The following KHDRBS3 variants were observed in gnomAD, a reference collection of about 807,000 sequenced individuals.
KHDRBS3 encodes KH domain-containing, RNA-binding, signal transduction-associated protein 3.
In KHDRBS3, 23 loss-of-function variants were observed where a neutral mutation model predicts 45.6. The observed-to-expected ratio is 0.50, with a 90% CI of 0.36 to 0.72. The LOEUF (loss-of-function observed/expected upper bound fraction) is 0.72. KHDRBS3 is among the 30% of genes least tolerant of loss of function. The pLI, the probability that KHDRBS3 is intolerant of heterozygous loss-of-function variation, is 0.00. For synonymous variants in KHDRBS3, 162 were observed against 156.5 expected, an observed-to-expected ratio of 1.04 and a Z score of -0.26; for missense variants, 352 against 424.8, an observed-to-expected ratio of 0.83 and a Z score of 1.51.
At chr8:135,562,595 T>C (rs1827221307) in intron 5 of KHDRBS3, among the ~76,000 whole-genome samples, 1 of 152,194 alleles carries the variant, frequency 6.6e-6, no homozygotes, top group Admixed American at 6.5e-5. Context: ...GCCCAACTAA[T>C]ATAGTCCACA....
chr8:135,551,648 G>T (rs1306468997), intron 4 of KHDRBS3, among the ~76,000 whole-genome samples: 1 of 152,064 alleles, frequency 6.6e-6, no homozygotes, highest in Admixed American at 6.6e-5. Context: ...GCTAGATATG[G>T]TTTACTAATA....
intron 2 of KHDRBS3, among the ~76,000 whole-genome samples, chr8:135,535,289 CTAT>C (rs1298817567): frequency 8.4e-6 from 1 of 119,138 alleles, no homozygotes; most frequent in Non-Finnish European, 1.7e-5. Flanking sequence ...TATATATAAA[CTAT>C]TATATATAGT....
At chr8:135,490,836 T>C (rs990467485) in intron 1 of KHDRBS3, among the ~76,000 whole-genome samples, 1 of 152,196 alleles carries the variant, frequency 6.6e-6, no homozygotes, top group African/African-American at 2.4e-5. Flanking sequence ...GCTGATAAAG[T>C]GTTCCTGGCC....
chr8:135,616,400 G>C (rs1370560495), intron 7 of KHDRBS3, among the ~76,000 whole-genome samples: 1 of 152,162 alleles, frequency 6.6e-6, no homozygotes, highest in African/African-American at 2.4e-5. Flanking sequence ...CTCCACAAGT[G>C]TATGACAACA....
At chr8:135,476,206 C>A (rs918656969) in intron 1 of KHDRBS3, among the ~76,000 whole-genome samples, 1 of 151,984 alleles carries the variant, frequency 6.6e-6, no homozygotes, top group Non-Finnish European at 1.5e-5. Context: ...TGCAGTGGTG[C>A]AATCTTGGCT....
chr8:135,499,966 A>G (rs1823649818), intron 1 of KHDRBS3, among the ~76,000 whole-genome samples: 1 of 152,198 alleles, frequency 6.6e-6, no homozygotes, highest in African/African-American at 2.4e-5. Context: ...TTAGCCTATA[A>G]CAGTTACAGT....
intron 1 of KHDRBS3, among the ~76,000 whole-genome samples, chr8:135,487,536 A>T (rs576923986): frequency 2.0e-5 from 3 of 152,338 alleles, no homozygotes; most frequent in Admixed American, 6.5e-5. Flanking sequence ...TACCATGGTG[A>T]TCCTATCATG....
chr8:135,591,830 C>A (rs757988064), intron 6 of KHDRBS3, among the ~76,000 whole-genome samples: 1 of 152,112 alleles, frequency 6.6e-6, no homozygotes, highest in Non-Finnish European at 1.5e-5. Context: ...TTTATAGAGA[C>A]GGGAGTTGTA....
intron 7 of KHDRBS3, among the ~76,000 whole-genome samples, chr8:135,634,465 G>A (rs979955109): frequency 9.2e-5 from 14 of 152,076 alleles, no homozygotes; most frequent in Non-Finnish European, 1.6e-4. Context: ...TTGGTTTGGC[G>A]TTTTCAATGG....
At position 135,511,790 on chromosome 8, in the gene KHDRBS3, C is replaced by A. The variant is rs141717876; in HGVS notation, c.89-9447C>A. 7.9e-3 allele frequency among the ~76,000 whole-genome samples: 1,209 copies of A among 152,256 alleles called. 9 individuals carry two copies. Among genetic ancestry groups the A allele is most frequent in the African/African-American group, 0.027 (1,138 of 41,540 alleles). ...AGCCAGAATGGTCTTGATCTCCTGACCTCGTAATCCGCCCGTCTCGGCCTC... is the reference window on the plus strand; with the variant it reads ...AGCCAGAATGGTCTTGATCTCCTGAACTCGTAATCCGCCCGTCTCGGCCTC... On this transcript the variant is annotated intron_variant, in intron 1 of 8. Coordinates refer to ENST00000355849, the MANE Select transcript of KHDRBS3 (RefSeq NM_006558.3).
chr8:135,638,947 G>A (rs576723991), intron 7 of KHDRBS3, among the ~76,000 whole-genome samples: 10 of 145,714 alleles, frequency 6.9e-5, no homozygotes, highest in African/African-American at 1.8e-4. Flanking sequence ...GAAACAGAGC[G>A]AGAGAGTGAG....
At chr8:135,587,475 A>G (rs1004326928) in intron 6 of KHDRBS3, among the ~76,000 whole-genome samples, 11 of 152,196 alleles carry the variant, frequency 7.2e-5, no homozygotes, top group Admixed American at 5.9e-4. Context: ...CAGATAGTGG[A>G]TGTTTTTTCA....
chr8:135,525,481 A>G (rs1207109767), intron 2 of KHDRBS3, among the ~76,000 whole-genome samples: 1 of 152,318 alleles, frequency 6.6e-6, no homozygotes, highest in East Asian at 1.9e-4. Flanking sequence ...TGCTGAAGTC[A>G]TAACTTTCTT....
intron 7 of KHDRBS3, among the ~76,000 whole-genome samples, chr8:135,630,844 G>A (rs950308339): frequency 1.3e-5 from 2 of 152,208 alleles, no homozygotes; most frequent in African/African-American, 4.8e-5. Flanking sequence ...GGAAGTTACT[G>A]TGGGTGAGTG....
chr8:135,487,203 G>T lies in KHDRBS3; in HGVS notation c.88+29249G>T, dbSNP rs1012674184. Among the ~76,000 whole-genome samples, 90 of 152,136 alleles carry T rather than the reference G, an allele frequency of 5.9e-4. 1 individual carries two copies. Among genetic ancestry groups the T allele is most frequent in the Admixed American group, 5.7e-3 (87 of 15,268 alleles). On this transcript the variant is annotated intron_variant, in intron 1 of 8. Transcript: ENST00000355849. ...CTGTAGTATTTGTCACAAAAAGAAAGATATTTTAACAGCTCAATAAATGAA... is the reference window on the plus strand; with the variant it reads ...CTGTAGTATTTGTCACAAAAAGAAATATATTTTAACAGCTCAATAAATGAA...
chr8:135,567,250 C>T (rs1420958555), intron 5 of KHDRBS3, among the ~76,000 whole-genome samples: 1 of 151,948 alleles, frequency 6.6e-6, no homozygotes, highest in Non-Finnish European at 1.5e-5. Context: ...CTCAGTAAAA[C>T]TTCATCCTAG....
intron 1 of KHDRBS3, among the ~76,000 whole-genome samples, chr8:135,488,666 A>G (rs1459233413): frequency 1.3e-5 from 2 of 152,216 alleles, no homozygotes; most frequent in South Asian, 2.1e-4. Flanking sequence ...AAGCCTACTG[A>G]TATTCATAGT....
At chr8:135,510,352 C>T (rs898217518) in intron 1 of KHDRBS3, among the ~76,000 whole-genome samples, 1 of 152,104 alleles carries the variant, frequency 6.6e-6, no homozygotes, top group Non-Finnish European at 1.5e-5. Context: ...AGAGTGAGGG[C>T]AGAACTTTTA....
chr8:135,476,724 A>G (rs565945484), intron 1 of KHDRBS3, among the ~76,000 whole-genome samples: 3 of 152,328 alleles, frequency 2.0e-5, no homozygotes, highest in East Asian at 1.9e-4. Context: ...AAGAACTTCA[A>G]TTTGTGTCCA....
Sources: gnomAD v4.1 joint callset for allele counts (sites outside exome capture counted in the v4.1 genomes callset) on GRCh38, gnomAD v4.1.1 for gene constraint, MANE v1.5 for transcripts, NCBI Gene and HGNC (gene_info 2026-07-23, HGNC 2026-07-21) for gene names.